The following COL26A1 variants were observed in gnomAD, a reference collection of about 807,000 sequenced individuals.
COL26A1 encodes collagen type XXVI alpha 1 chain, also known as collagen alpha-1(XXVI) chain.
A neutral mutation model predicts 59.3 loss-of-function variants in COL26A1; 41 were observed. The observed-to-expected ratio is 0.69, with a 90% confidence interval of 0.54 to 0.90. The LOEUF (loss-of-function observed/expected upper bound fraction) is 0.90, where lower values mean the gene tolerates loss of function less well. Ranked by LOEUF, COL26A1 falls within the 40% of genes least tolerant of loss-of-function variation. The probability of loss-of-function intolerance (pLI) is 0.00; values close to 1 mark genes in which losing one functional copy is unlikely to be tolerated. For synonymous variants in COL26A1, 266 were observed against 256.0 expected, an observed-to-expected ratio of 1.04 and a Z score of -0.37; for missense variants, 612 against 602.3, an observed-to-expected ratio of 1.02 and a Z score of -0.17.
At chr7:101,424,937 A>T (rs200984885) in intron 2 of COL26A1, among the ~76,000 whole-genome samples, 1 of 151,886 alleles carries the variant, frequency 6.6e-6, no homozygotes, top group African/African-American at 2.4e-5. Flanking sequence ...ATTTTATTTT[A>T]TAAGGGTCAG....
At chr7:101,525,504 T>G (rs184365639) in intron 3 of COL26A1, among the ~76,000 whole-genome samples, 3,544 of 139,396 alleles carry the variant, frequency 0.025, 56 homozygotes, top group Middle Eastern at 0.044. Flanking sequence ...TTTTTTTGGT[T>G]TTTTTTTTTT....
chr7:101,425,288 G>C (rs1792617942), intron 2 of COL26A1, among the ~76,000 whole-genome samples: 1 of 152,092 alleles, frequency 6.6e-6, no homozygotes, highest in South Asian at 2.1e-4. Flanking sequence ...AGGAGACTGA[G>C]GCAGGAGAAT....
At chr7:101,552,080 C>T (rs1210393951) in intron 10 of COL26A1, among the ~76,000 whole-genome samples, 2 of 152,246 alleles carry the variant, frequency 1.3e-5, no homozygotes, top group East Asian at 3.8e-4. Flanking sequence ...GCTCCCAAGC[C>T]ATGCCTCCTC....
At chr7:101,454,339 A>G (rs149065570) in intron 3 of COL26A1, among the ~76,000 whole-genome samples, 3,730 of 144,218 alleles carry the variant, frequency 0.026, 147 homozygotes, top group African/African-American at 0.091. Context: ...ATCTCGGCTC[A>G]CTGCAACCTC....
intron 12 of COL26A1, among the ~76,000 whole-genome samples, 197 bp downstream of exon 12, chr7:101,556,068 C>G (rs1027386595): frequency 2.6e-5 from 4 of 152,168 alleles, no homozygotes; most frequent in African/African-American, 9.6e-5. Context: ...AGCCCAGTTT[C>G]CCAGCCCCTC....
intron 3 of COL26A1, among the ~76,000 whole-genome samples, chr7:101,525,776 G>A (rs1469203515): frequency 6.6e-6 from 1 of 152,260 alleles, no homozygotes; most frequent in East Asian, 1.9e-4. Flanking sequence ...GATTACAGGT[G>A]TGAGCCACTG....
intron 3 of COL26A1, among the ~76,000 whole-genome samples, chr7:101,510,196 A>T (rs1473841748): frequency 6.6e-6 from 1 of 151,394 alleles, no homozygotes; most frequent in Non-Finnish European, 1.5e-5. Flanking sequence ...TAATTTTTGA[A>T]ATTTTTTTGT....
chr7:101,446,069 A>AAAAAAAAAAAAAAAAAC (rs1793187972), intron 2 of COL26A1, among the ~76,000 whole-genome samples: 1 of 149,142 alleles, frequency 6.7e-6, no homozygotes, highest in Non-Finnish European at 1.5e-5. Context: ...AAAAAAAAAA[A>AAAAAAAAAAAAAAAAAC]AGACAGTGAT....
chr7:101,392,104 A>C (rs1791744835), intron 1 of COL26A1, among the ~76,000 whole-genome samples: 1 of 152,128 alleles, frequency 6.6e-6, no homozygotes, highest in Non-Finnish European at 1.5e-5. Flanking sequence ...GTGGATGCAA[A>C]TGGCTAAGGA....
intron 3 of COL26A1, among the ~76,000 whole-genome samples, chr7:101,453,094 G>C (rs191432152): frequency 3.2e-4 from 49 of 152,326 alleles, no homozygotes; most frequent in Admixed American, 2.0e-3. Context: ...GGGAGCAGAC[G>C]TGGTGGCTCA....
Position 101,545,371 on chromosome 7 carries a change from C to A in COL26A1, c.737C>A (p.Pro246His). 6.3e-7 allele frequency: 1 copy of A among 1,587,294 alleles called. No individual in the cohort carries two copies. The change falls in exon 7 of 13, where the codon CCT (proline) becomes CAT (histidine). Residue 246 changes from proline (P) to histidine (H), a missense_variant. Pro to His is a moderately conservative substitution (Grantham distance 77, BLOSUM62 -2). Coordinates refer to ENST00000313669, the MANE Select transcript of COL26A1 (RefSeq NM_001278563.3). ...GGGCCTCCAGGGCCCCGTGGGCTTCCTGGAGAGATGGGGCGCCCCGGCCCC... is the reference window on the plus strand; with the variant it reads ...GGGCCTCCAGGGCCCCGTGGGCTTCATGGAGAGATGGGGCGCCCCGGCCCC... The part of the protein sequence containing the change: ...LLGPPGPRGL[P>H]GEMGRPGPPG...
intron 3 of COL26A1, among the ~76,000 whole-genome samples, chr7:101,508,561 G>A (rs947821992): frequency 1.3e-5 from 2 of 150,360 alleles, no homozygotes; most frequent in Admixed American, 1.3e-4. Flanking sequence ...AGGGTGGCAT[G>A]AACCAACAAC....
At chr7:101,514,164 T>G (rs568054532) in intron 3 of COL26A1, among the ~76,000 whole-genome samples, 32 of 151,932 alleles carry the variant, frequency 2.1e-4, no homozygotes, top group African/African-American at 7.5e-4. Flanking sequence ...GGTGAAACCC[T>G]GTCCCTACTA....
chr7:101,513,938 G>A (rs185957130), intron 3 of COL26A1, among the ~76,000 whole-genome samples: 173 of 152,254 alleles, frequency 1.1e-3, no homozygotes, highest in Admixed American at 2.4e-3. Context: ...AGGAAAACGG[G>A]TCAAGGGCAT....
chr7:101,521,206 C>T (rs77811703), intron 3 of COL26A1, among the ~76,000 whole-genome samples: 362 of 152,254 alleles, frequency 2.4e-3, no homozygotes, highest in Middle Eastern at 0.01. Context: ...AAAAACAGCA[C>T]GGGGAGACCA....
At chr7:101,413,576 AAAAG>A (rs1430654809) in intron 1 of COL26A1, among the ~76,000 whole-genome samples, 2 of 152,106 alleles carry the variant, frequency 1.3e-5, no homozygotes, top group Non-Finnish European at 2.9e-5. Context: ...AAAGAAAAGA[AAAAG>A]AAAAGGAGAC....
At chr7:101,420,150 A>T in intron 2 of COL26A1, 51 bp downstream of exon 2, 1 of 1,601,994 alleles carries the variant, frequency 6.2e-7, no homozygotes, top group Non-Finnish European at 8.5e-7. Flanking sequence ...ATTCCCTCGG[A>T]CAAAACCAGT....
At chr7:101,473,182 C>G (rs1021084156) in intron 3 of COL26A1, among the ~76,000 whole-genome samples, 1 of 151,972 alleles carries the variant, frequency 6.6e-6, no homozygotes, top group African/African-American at 2.4e-5. Flanking sequence ...TGGGTTCACG[C>G]CATTCTTCCG....
intron 3 of COL26A1, among the ~76,000 whole-genome samples, chr7:101,497,292 G>C (rs745495835): frequency 4.6e-5 from 7 of 152,168 alleles, no homozygotes; most frequent in Non-Finnish European, 5.9e-5. Flanking sequence ...CCAGGGAGCG[G>C]GAGGCTCCTC....
Sources: gnomAD v4.1 joint callset for allele counts (sites outside exome capture counted in the v4.1 genomes callset) on GRCh38, gnomAD v4.1.1 for gene constraint, MANE v1.5 for transcripts, NCBI Gene and HGNC (gene_info 2026-07-23, HGNC 2026-07-21) for gene names.